Variants in WAC observed in about 807,000 individuals in gnomAD.
WAC encodes the protein WW domain containing adaptor with coiled-coil.
A neutral mutation model predicts 79.6 loss-of-function variants in WAC; 11 were observed. That is an observed-to-expected ratio of 0.14 (90% CI 0.09 to 0.23). WAC has a LOEUF of 0.23. WAC is among the 10% of genes least tolerant of loss of function. The pLI, the probability that WAC is intolerant of heterozygous loss-of-function variation, is 1.00. For synonymous variants in WAC, 304 were observed against 276.9 expected (o/e 1.10, Z -0.97); for missense variants, 728 against 773.5 (o/e 0.94, Z 0.70).
rs141230567 is a variant in WAC, at chr10:28,611,727, G to T, written c.1289-47G>T. On this transcript the variant is annotated intron_variant, in intron 9 of 13. Transcript: ENST00000354911. ...ATATTACAAAGGACTTTAGTTTTTT[G>T]TTTTGTTTTGTTTTTCTTTAAAATT... 90 of 1,594,042 alleles carry T rather than the reference G, an allele frequency of 5.6e-5. No homozygotes were observed. The East Asian group carries it at 1.9e-3, about 33-fold the overall frequency.
At chr10:28,546,895 A>C (rs1232958865) in intron 3 of WAC, among the ~76,000 whole-genome samples, 1 of 151,802 alleles carries the variant, frequency 6.6e-6, no homozygotes, top group Non-Finnish European at 1.5e-5. Context: ...AAATCTATTA[A>C]GGGTATTTTA....
chr10:28,547,715 TTTTTCA>T, intron 3 of WAC, among the ~76,000 whole-genome samples: 1 of 152,078 alleles, frequency 6.6e-6, no homozygotes, highest in East Asian at 1.9e-4. Context: ...AACCTGGTTC[TTTTTCA>T]TGGATAGATA....
At chr10:28,595,398 GATATT>G (rs937599468) in intron 6 of WAC, among the ~76,000 whole-genome samples, 147 of 151,116 alleles carry the variant, frequency 9.7e-4, no homozygotes, top group African/African-American at 3.4e-3. Flanking sequence ...AATTTTATAA[GATATT>G]ATAACTCCAT....
chr10:28,616,378 C>T lies in WAC; in HGVS notation c.1746+16C>T. The T allele has an allele frequency of 6.5e-7, 1 of 1,528,754 alleles. No homozygotes were observed. Among genetic ancestry groups the T allele is most frequent in the Non-Finnish European group, 8.8e-7 (1 of 1,130,620 alleles). The allele number at this position is 1,528,754 out of a possible 1,614,324, so 94.7% of individuals were successfully genotyped here. On this transcript the variant is annotated intron_variant, in intron 12 of 13. Coordinates refer to ENST00000354911, the MANE Select transcript of WAC (RefSeq NM_016628.5). The stretch of plus-strand genomic sequence containing the variant: ...AGAGAAGCAGGTATGTTATGTACAG[C>T]CTAGATTTTACCTTTGGATGATTAG...
chr10:28,609,735 G>A (rs553772315), intron 8 of WAC, among the ~76,000 whole-genome samples: 76 of 152,100 alleles, frequency 5.0e-4, no homozygotes, highest in African/African-American at 1.7e-3. Flanking sequence ...TTAGCCAGGT[G>A]TGGTGGTGAA....
intron 3 of WAC, among the ~76,000 whole-genome samples, chr10:28,541,420 G>GT (rs869099181): frequency 0.025 from 1,239 of 49,186 alleles, 43 homozygotes; most frequent in Middle Eastern, 0.069. Context: ...TGTGTGTTTT[G>GT]TTTTTTTTTT....
At chr10:28,575,385 C>T (rs1361406961) in intron 3 of WAC, among the ~76,000 whole-genome samples, 1 of 152,180 alleles carries the variant, frequency 6.6e-6, no homozygotes, top group East Asian at 1.9e-4. Flanking sequence ...CTATGCTTAA[C>T]ATTTTCAGGA....
chr10:28,614,376 A>C (rs1337606142), intron 10 of WAC, among the ~76,000 whole-genome samples, 191 bp from the exon 11 acceptor site: 8 of 152,216 alleles, frequency 5.3e-5, no homozygotes, highest in Non-Finnish European at 1.2e-4. Flanking sequence ...TACAGGCGTG[A>C]GCCACCGCGC....
In WAC at chr10:28,595,867, C is replaced by G; in HGVS notation, c.745C>G (p.Pro249Ala). 4.3e-6 allele frequency: 7 copies of G among 1,614,094 alleles called. No individual in the cohort carries two copies. Among genetic ancestry groups the G allele is most frequent in the Non-Finnish European group, 5.9e-6 (7 of 1,180,004 alleles). Residue 249 changes from proline to alanine, a missense_variant, in exon 7 of 14, where the codon CCC (proline) becomes GCC (alanine). Coordinates refer to ENST00000354911, the MANE Select transcript of WAC (RefSeq NM_016628.5). ...THSSSTPVQH[P>A]IKPVVHPTAT... Reference sequence around the variant, plus strand: ...CAGTAGTTCTACGCCAGTACAGCACCCCATCAAACCAGTGGTTCATCCAAC... The same window carrying G: ...CAGTAGTTCTACGCCAGTACAGCACGCCATCAAACCAGTGGTTCATCCAAC...
intron 3 of WAC, among the ~76,000 whole-genome samples, chr10:28,582,892 T>C (rs776987555): frequency 4.3e-4 from 65 of 151,656 alleles, no homozygotes; most frequent in Non-Finnish European, 4.1e-4. Flanking sequence ...CCTGAGACTC[T>C]TTAACTTCTT....
chr10:28,601,350 A>T (rs1251065703), intron 7 of WAC, among the ~76,000 whole-genome samples: 1 of 152,166 alleles, frequency 6.6e-6, no homozygotes, highest in Non-Finnish European at 1.5e-5. Context: ...GCAATTCAAA[A>T]GCCATAATGA....
intron 2 of WAC, 107 bp downstream of exon 2, chr10:28,534,141 A>G (rs1251435892): frequency 9.0e-7 from 1 of 1,110,906 alleles, no homozygotes. Context: ...CTTCGGTGCA[A>G]CACATCTGAA....
chr10:28,562,700 C>A (rs1838366480), intron 3 of WAC, among the ~76,000 whole-genome samples: 3 of 152,138 alleles, frequency 2.0e-5, no homozygotes, highest in Non-Finnish European at 4.4e-5. Flanking sequence ...AGAGGTTAAA[C>A]TAATTACATT....
intron 2 of WAC, among the ~76,000 whole-genome samples, chr10:28,535,036 T>C (rs374345822): frequency 6.6e-6 from 1 of 152,136 alleles, no homozygotes. Context: ...ACCTTAAAAT[T>C]GTTTCCCACA....
chr10:28,602,375 A>T (rs1840685862), intron 7 of WAC, among the ~76,000 whole-genome samples: 1 of 152,244 alleles, frequency 6.6e-6, no homozygotes, highest in South Asian at 2.1e-4. Flanking sequence ...ATACATGAGT[A>T]AAAATATGAA....
intron 3 of WAC, among the ~76,000 whole-genome samples, chr10:28,556,706 C>A (rs1227982178): frequency 6.6e-6 from 1 of 151,894 alleles, no homozygotes; most frequent in African/African-American, 2.4e-5. Flanking sequence ...CTTATATTTT[C>A]AGTTGTTATT....
chr10:28,612,718 T>A (rs1841299980), intron 10 of WAC, among the ~76,000 whole-genome samples: 1 of 152,216 alleles, frequency 6.6e-6, no homozygotes, highest in Non-Finnish European at 1.5e-5. Context: ...CTTCCCTACC[T>A]TGGCCATTGA....
At chr10:28,568,019 T>C (rs1471988996) in intron 3 of WAC, among the ~76,000 whole-genome samples, 1 of 152,250 alleles carries the variant, frequency 6.6e-6, no homozygotes, top group African/African-American at 2.4e-5. Context: ...ATTACAGGCC[T>C]GAGCCACCTC....
intron 3 of WAC, among the ~76,000 whole-genome samples, chr10:28,558,473 A>G (rs1319437790): frequency 6.6e-6 from 1 of 152,078 alleles, no homozygotes; most frequent in Non-Finnish European, 1.5e-5. Context: ...GCCACCTGTG[A>G]TTGGCTGAGT....
Sources: allele counts gnomAD v4.1 joint callset (sites outside exome capture counted in the v4.1 genomes callset), GRCh38; gene constraint gnomAD v4.1.1; transcripts MANE v1.5; gene names NCBI Gene and HGNC (gene_info 2026-07-23, HGNC 2026-07-21).